The following SUCLA2 variants were observed in gnomAD, a reference collection of about 807,000 sequenced individuals.
SUCLA2 encodes the protein succinate--CoA ligase [ADP-forming] subunit beta, mitochondrial.
A neutral mutation model predicts 54.8 loss-of-function variants in SUCLA2; 30 were observed. The observed-to-expected ratio is 0.55, with a 90% CI of 0.41 to 0.74. SUCLA2 has a LOEUF of 0.74. SUCLA2 is among the 30% of genes least tolerant of loss of function. The pLI is 0.00. For missense variants in SUCLA2, 476 were observed against 562.9 expected (o/e 0.85, Z 1.56); for synonymous variants, 172 against 188.9 (o/e 0.91, Z 0.74).
intron 1 of SUCLA2, among the ~76,000 whole-genome samples, chr13:47,997,439 G>T (rs1480839778): frequency 6.6e-6 from 1 of 152,102 alleles, no homozygotes; most frequent in Non-Finnish European, 1.5e-5. Flanking sequence ...AAAATGATTT[G>T]ATACCATTAC....
rs545374173 is a variant in SUCLA2, at chr13:47,983,117, T to TA, written c.534+5423dup. On this transcript the variant is annotated intron_variant, in intron 4 of 10. Transcript: ENST00000646932. ...CTTAGTATTAGAACTCCTTTCAATA[T>TA]AAAAAAAAAACTTTTTTAAATAAAA... is the stretch of plus-strand genomic sequence containing the variant. Among the ~76,000 whole-genome samples, 1,225 of 148,738 alleles carry TA rather than the reference T, an allele frequency of 8.2e-3. 10 individuals are homozygous for TA. Among genetic ancestry groups the TA allele is most frequent in the Non-Finnish European group, 0.01 (678 of 67,000 alleles).
rs571731907 is a variant in SUCLA2, at chr13:47,967,705, G to A, written c.802+890C>T. Among the ~76,000 whole-genome samples the A allele has an allele frequency of 1.4e-4, 22 of 151,866 alleles. No individual in the cohort carries two copies. The South Asian group carries it at 1.5e-3, about 10-fold the overall frequency. On this transcript the variant is annotated intron_variant, in intron 6 of 10. Transcript: ENST00000646932. ...AAAACACAAAAAAAATTATCCAGGC[G>A]CGGTGGTGCATGCCTGTAGTCCAAG...
At chr13:47,957,603 A>G (rs1265802188) in intron 6 of SUCLA2, among the ~76,000 whole-genome samples, 4 of 152,218 alleles carry the variant, frequency 2.6e-5, no homozygotes, top group African/African-American at 9.6e-5. Flanking sequence ...GGGCCTAGAC[A>G]TAAGGATTTG....
chr13:47,996,213 C>T (rs1349572196), intron 2 of SUCLA2, among the ~76,000 whole-genome samples: 1 of 151,246 alleles, frequency 6.6e-6, no homozygotes, highest in Admixed American at 6.6e-5. Context: ...ATACCAGGTA[C>T]TCGGGAGGCT....
intron 6 of SUCLA2, among the ~76,000 whole-genome samples, chr13:47,955,592 G>C (rs976377357): frequency 9.9e-5 from 15 of 152,114 alleles, no homozygotes; most frequent in Admixed American, 2.0e-4. Context: ...AAGAGAAGAA[G>C]AAGAAGCAAA....
chr13:47,980,750 A>T (rs1410581505), intron 4 of SUCLA2, among the ~76,000 whole-genome samples: 20 of 152,154 alleles, frequency 1.3e-4, no homozygotes, highest in Non-Finnish European at 2.9e-5. Context: ...AGACATATAG[A>T]CCAATGGAAT....
chr13:47,970,528 T>C (rs76878331), intron 5 of SUCLA2, among the ~76,000 whole-genome samples: 1 of 152,206 alleles, frequency 6.6e-6, no homozygotes, highest in Non-Finnish European at 1.5e-5. Flanking sequence ...TTATTCTCCA[T>C]CAGAAACATT....
intron 10 of SUCLA2, chr13:47,945,653 C>A (rs937852475): frequency 1.4e-5 from 1 of 72,540 alleles, no homozygotes; most frequent in African/African-American, 3.8e-5. Flanking sequence ...GACACACACA[C>A]ACACACACAC....
chr13:47,992,967 C>T (rs1258686498), intron 2 of SUCLA2, among the ~76,000 whole-genome samples: 3 of 152,208 alleles, frequency 2.0e-5, no homozygotes, highest in Admixed American at 6.5e-5. Context: ...CAGTGGCTCA[C>T]GCCTGTAGTC....
At chr13:47,984,093 C>T (rs568772137) in intron 4 of SUCLA2, among the ~76,000 whole-genome samples, 3 of 152,144 alleles carry the variant, frequency 2.0e-5, no homozygotes, top group Non-Finnish European at 4.4e-5. Flanking sequence ...CATGTTCAAA[C>T]GACTTGGCTT....
At chr13:47,981,426 C>A (rs2137732922) in intron 4 of SUCLA2, among the ~76,000 whole-genome samples, 1 of 152,278 alleles carries the variant, frequency 6.6e-6, no homozygotes, top group Admixed American at 6.5e-5. Context: ...TAATCTCACA[C>A]CCTTTAGGAT....
chr13:47,958,249 T>C (rs1424172625), intron 6 of SUCLA2, among the ~76,000 whole-genome samples: 1 of 152,182 alleles, frequency 6.6e-6, no homozygotes, highest in Non-Finnish European at 1.5e-5. Flanking sequence ...TTTCAGTGAA[T>C]TACCTATTGG....
intron 4 of SUCLA2, among the ~76,000 whole-genome samples, chr13:47,987,017 G>T (rs1950109770): frequency 6.6e-6 from 1 of 152,160 alleles, no homozygotes; most frequent in Non-Finnish European, 1.5e-5. Flanking sequence ...TAATATCAAA[G>T]AATTTATAAT....
intron 4 of SUCLA2, among the ~76,000 whole-genome samples, chr13:47,985,215 TGCTTA>T (rs1188239867): frequency 6.6e-6 from 1 of 152,210 alleles, no homozygotes; most frequent in Non-Finnish European, 1.5e-5. Context: ...AGTTTTGCTT[TGCTTA>T]TTCTTTTTTT....
chr13:47,971,255 T>C (rs1949961273), intron 5 of SUCLA2, among the ~76,000 whole-genome samples: 3 of 151,886 alleles, frequency 2.0e-5, no homozygotes, highest in Admixed American at 2.0e-4. Flanking sequence ...CTACTAAAAA[T>C]ACCAATGAAA....
chr13:47,954,645 A>G (rs1410919870), intron 6 of SUCLA2, 88 bp from the exon 7 acceptor site: 5 of 1,348,494 alleles, frequency 3.7e-6, no homozygotes, highest in African/African-American at 2.9e-5. Context: ...CATTTAGGGA[A>G]AAGACACATT....
intron 4 of SUCLA2, among the ~76,000 whole-genome samples, chr13:47,973,756 C>A (rs1445828870): frequency 6.6e-6 from 1 of 152,004 alleles, no homozygotes; most frequent in Non-Finnish European, 1.5e-5. Flanking sequence ...TACTATGCAG[C>A]CATAAAAAAA....
intron 4 of SUCLA2, among the ~76,000 whole-genome samples, chr13:47,986,025 T>C (rs964730899): frequency 7.7e-6 from 1 of 129,170 alleles, no homozygotes; most frequent in East Asian, 2.3e-4. Flanking sequence ...TGGCCATATG[T>C]ATAGTTTTTT....
intron 8 of SUCLA2, among the ~76,000 whole-genome samples, chr13:47,951,810 T>C (rs1949778633): frequency 6.6e-6 from 1 of 152,088 alleles, no homozygotes; most frequent in Non-Finnish European, 1.5e-5. Flanking sequence ...TAGTATTTCC[T>C]CCAGGTCTTC....
Sources: allele counts gnomAD v4.1 joint callset (sites outside exome capture counted in the v4.1 genomes callset), GRCh38; gene constraint gnomAD v4.1.1; transcripts MANE v1.5; gene names NCBI Gene and HGNC (gene_info 2026-07-23, HGNC 2026-07-21).